HTR1F: variants seen among roughly 807,000 people sequenced by gnomAD.
The protein encoded by HTR1F is 5-hydroxytryptamine (serotonin) receptor 1F, G protein-coupled.
Under a neutral mutation model 24.0 loss-of-function variants are expected in HTR1F, and 17 were observed. That is an observed-to-expected ratio of 0.71 (90% CI 0.48 to 1.06). The LOEUF (loss-of-function observed/expected upper bound fraction) is 1.06, where lower values mean the gene tolerates loss of function less well. Among genes scored for constraint, HTR1F ranks in the 50% least tolerant of loss-of-function variants. The pLI, the probability that HTR1F is intolerant of heterozygous loss-of-function variation, is 0.00. For synonymous variants in HTR1F, 186 were observed against 156.8 expected (o/e 1.19, Z -1.39); for missense variants, 391 against 427.8 (o/e 0.91, Z 0.76).
intron 2 of HTR1F, among the ~76,000 whole-genome samples, chr3:87,871,486 G>A (rs1705555364): frequency 6.6e-6 from 1 of 152,046 alleles, no homozygotes; most frequent in Non-Finnish European, 1.5e-5. Flanking sequence ...GGTACAAAGA[G>A]CTTATGTGAA....
At chr3:87,943,742 G>T (rs1286109958) in intron 2 of HTR1F, among the ~76,000 whole-genome samples, 3 of 152,246 alleles carry the variant, frequency 2.0e-5, no homozygotes, top group African/African-American at 7.2e-5. Flanking sequence ...AGGTCTAGCT[G>T]TAAGATGGTG....
In HTR1F at chr3:87,991,637, A is replaced by T. The variant is rs779588189; in HGVS notation, c.888A>T (p.Gly296=). The change falls in exon 3 of 3, where the codon GGA becomes GGT. Residue 296 remains glycine (G), a synonymous_variant. Coordinates refer to ENST00000319595, the MANE Select transcript of HTR1F (RefSeq NM_001322209.2). ...AACGGAAAGCAGCCACTACCCTGGG[A>T]TTAATCTTGGGTGCATTTGTAATAT... The part of the protein sequence containing the change: ...TRERKAATTL[G]LILGAFVICW... The T allele has an allele frequency of 1.9e-6, 3 of 1,613,570 alleles. No individual in the cohort carries two copies. Among genetic ancestry groups the T allele is most frequent in the Non-Finnish European group, 2.5e-6 (3 of 1,179,674 alleles).
Position 87,925,294 on chromosome 3 carries a change from C to T in HTR1F, c.-42-65414C>T, listed in dbSNP as rs570290555. 1.6e-4 allele frequency among the ~76,000 whole-genome samples: 24 copies of T among 152,200 alleles called. No individual in the cohort carries two copies. The East Asian group carries it at 4.3e-3, about 27-fold the overall frequency. On this transcript the variant is annotated intron_variant, in intron 2 of 2. Coordinates refer to ENST00000319595, the MANE Select transcript of HTR1F (RefSeq NM_001322209.2). Reference sequence around the variant, plus strand: ...AACAGTCCTTGGACTCTAGGGGGCACATACAACAGCTTATCTGGTTGTGGA... The same window carrying T: ...AACAGTCCTTGGACTCTAGGGGGCATATACAACAGCTTATCTGGTTGTGGA...
chr3:87,841,212 T>A (rs1910399), intron 2 of HTR1F, among the ~76,000 whole-genome samples: 18,762 of 151,754 alleles, frequency 0.12, 1,629 homozygotes, highest in African/African-American at 0.22. Context: ...TTATCAATTG[T>A]TATTTGTCAA....
At chr3:87,938,592 C>T (rs571415024) in intron 2 of HTR1F, among the ~76,000 whole-genome samples, 6 of 152,212 alleles carry the variant, frequency 3.9e-5, no homozygotes, top group South Asian at 4.1e-4. Context: ...AAAACTGACA[C>T]ATAGACAAAT....
intron 2 of HTR1F, among the ~76,000 whole-genome samples, chr3:87,833,108 ACT>A (rs1401003340): frequency 6.6e-6 from 1 of 151,936 alleles, no homozygotes; most frequent in Non-Finnish European, 1.5e-5. Context: ...AAAGGATAAC[ACT>A]CTGTTTTTCT....
Position 87,905,010 on chromosome 3 carries a change from T to C in HTR1F, c.-43+82886T>C, listed in dbSNP as rs557572294. On this transcript the variant is annotated intron_variant, in intron 2 of 2. Coordinates refer to ENST00000319595, the MANE Select transcript of HTR1F (RefSeq NM_001322209.2). ...TCTTCAATATAGTTTTGTTCTTCAA[T>C]GAAAGTATTTGTCCAGGACTGGTAT... is the stretch of plus-strand genomic sequence containing the variant. 1.8e-4 allele frequency among the ~76,000 whole-genome samples: 27 copies of C among 152,128 alleles called. 1 individual carries two copies. Among genetic ancestry groups the C allele is most frequent in the Non-Finnish European group, 3.7e-4 (25 of 67,974 alleles).
At chr3:87,855,035 T>A (rs115220508) in intron 2 of HTR1F, among the ~76,000 whole-genome samples, 174 of 152,214 alleles carry the variant, frequency 1.1e-3, no homozygotes, top group African/African-American at 4.1e-3. Context: ...CTCATTGTTA[T>A]CTTCCCCCCA....
intron 2 of HTR1F, among the ~76,000 whole-genome samples, chr3:87,884,546 T>C (rs1575986144): frequency 6.6e-6 from 1 of 152,008 alleles, no homozygotes; most frequent in African/African-American, 2.4e-5. Context: ...TTAAAAGACA[T>C]AGACTGGCAA....
At chr3:87,906,776 G>A (rs1422405473) in intron 2 of HTR1F, among the ~76,000 whole-genome samples, 3 of 151,828 alleles carry the variant, frequency 2.0e-5, no homozygotes, top group Non-Finnish European at 4.4e-5. Flanking sequence ...CCACTTGTAA[G>A]TGAGAACATA....
At chr3:87,951,395 A>AAT (rs1704830586) in intron 2 of HTR1F, among the ~76,000 whole-genome samples, 1 of 152,172 alleles carries the variant, frequency 6.6e-6, no homozygotes, top group African/African-American at 2.4e-5. Context: ...CTCATAATAA[A>AAT]AACAAGTAAA....
At chr3:87,945,112 ATC>A (rs112478679) in intron 2 of HTR1F, among the ~76,000 whole-genome samples, 5 of 114,616 alleles carry the variant, frequency 4.4e-5, no homozygotes, top group Admixed American at 8.9e-5. Flanking sequence ...TGTCTCCTCC[ATC>A]TCTCTCTCTC....
chr3:87,922,149 G>A (rs1704024654), intron 2 of HTR1F, among the ~76,000 whole-genome samples: 2 of 151,956 alleles, frequency 1.3e-5, no homozygotes, highest in South Asian at 2.1e-4. Context: ...TACCTGCAAT[G>A]TATAAGAGTT....
chr3:87,851,273 C>T (rs772735357), intron 2 of HTR1F, among the ~76,000 whole-genome samples: 2 of 151,580 alleles, frequency 1.3e-5, no homozygotes, highest in Non-Finnish European at 2.9e-5. Flanking sequence ...GCAGATAGAT[C>T]TGATTCTGTA....
chr3:87,956,407 C>T (rs1704944947), intron 2 of HTR1F, among the ~76,000 whole-genome samples: 5 of 151,292 alleles, frequency 3.3e-5, no homozygotes, highest in Admixed American at 3.3e-4. Context: ...ACCACACTGT[C>T]TGTATTATAA....
At chr3:87,813,247 C>A (rs1458242471) in intron 1 of HTR1F, among the ~76,000 whole-genome samples, 2 of 152,170 alleles carry the variant, frequency 1.3e-5, no homozygotes, top group South Asian at 2.1e-4. Context: ...CTTGCATCAG[C>A]GTGCCCTGTA....
chr3:87,876,286 TG>T (rs1266505920), intron 2 of HTR1F, among the ~76,000 whole-genome samples: 11 of 152,310 alleles, frequency 7.2e-5, no homozygotes, highest in African/African-American at 2.6e-4. Context: ...AACAGGATCT[TG>T]AAGAGCTGTT....
intron 1 of HTR1F, among the ~76,000 whole-genome samples, chr3:87,810,007 C>T (rs1405997231): frequency 6.6e-6 from 1 of 151,878 alleles, no homozygotes; most frequent in Non-Finnish European, 1.5e-5. Flanking sequence ...TTTTAATTAG[C>T]TACCATAAAT....
Position 87,991,597 on chromosome 3 carries a change from T to A in HTR1F, c.848T>A (p.Ile283Asn), listed in dbSNP as rs1349413928. The A allele has an allele frequency of 6.2e-7, 1 of 1,614,012 alleles. No homozygotes were observed. Among genetic ancestry groups the A allele is most frequent in the East Asian group, 2.2e-5 (1 of 44,872 alleles). The change falls in exon 3 of 3, where the codon ATC (isoleucine) becomes AAC (asparagine). Residue 283 changes from isoleucine to asparagine, a missense_variant. Ile to Asn is a moderately radical substitution (Grantham distance 149). Transcript: ENST00000319595. Reference protein sequence around the residue: ...KHEKSWRRQKISGTRERKAAT... With the variant: ...KHEKSWRRQKNSGTRERKAAT... ...GAGAAATCTTGGAGAAGGCAAAAGATCTCAGGTACAAGAGAACGGAAAGCA... is the reference window on the plus strand; with the variant it reads ...GAGAAATCTTGGAGAAGGCAAAAGAACTCAGGTACAAGAGAACGGAAAGCA...
Sources: gnomAD v4.1 joint callset for allele counts (sites outside exome capture counted in the v4.1 genomes callset) on GRCh38, gnomAD v4.1.1 for gene constraint, MANE v1.5 for transcripts, NCBI Gene and HGNC (gene_info 2026-07-23, HGNC 2026-07-21) for gene names.